Variants in SLCO1B1 observed in about 807,000 individuals in gnomAD.
SLCO1B1 encodes the protein solute carrier organic anion transporter family member 1B1.
In SLCO1B1, 81 loss-of-function variants were observed where a neutral mutation model predicts 70.1. That is an observed-to-expected ratio of 1.16 (90% CI 0.97 to 1.39). SLCO1B1 has a LOEUF of 1.39. Among genes scored for constraint, SLCO1B1 ranks in the 40% most tolerant of loss-of-function variants. The pLI is 0.00. For missense variants in SLCO1B1, 895 were observed against 799.6 expected, an observed-to-expected ratio of 1.12 and a Z score of -1.44; for synonymous variants, 283 against 271.5, an observed-to-expected ratio of 1.04 and a Z score of -0.42.
At chr12:21,197,293 C>T (rs1213983768) in intron 8 of SLCO1B1, 105 bp downstream of exon 8, 10 of 1,188,942 alleles carry the variant, frequency 8.4e-6, no homozygotes, top group Non-Finnish European at 1.2e-5. Context: ...CTGGAGTTGG[C>T]TTTCTTTTGC....
chr12:21,152,682 G>A (rs1190833588), intron 2 of SLCO1B1, among the ~76,000 whole-genome samples: 1 of 151,762 alleles, frequency 6.6e-6, no homozygotes, highest in Admixed American at 6.6e-5. Flanking sequence ...ATTGGCTGGA[G>A]CTGGGTATTT....
At chr12:21,170,696 G>A (rs1940746686) in intron 2 of SLCO1B1, among the ~76,000 whole-genome samples, 1 of 152,042 alleles carries the variant, frequency 6.6e-6, no homozygotes, top group Non-Finnish European at 1.5e-5. Flanking sequence ...ATTTTATGCT[G>A]TTTCTTAGAT....
chr12:21,180,893 A>G (rs979129727), intron 7 of SLCO1B1, among the ~76,000 whole-genome samples: 32 of 152,174 alleles, frequency 2.1e-4, no homozygotes, highest in African/African-American at 7.2e-4. Flanking sequence ...ATCACCATAC[A>G]ATTTCTAACA....
intron 9 of SLCO1B1, among the ~76,000 whole-genome samples, chr12:21,201,114 C>A (rs1941152860): frequency 6.6e-6 from 1 of 151,900 alleles, no homozygotes; most frequent in African/African-American, 2.4e-5. Context: ...TAATTCAAAA[C>A]AAATATATTT....
At chr12:21,179,095 C>G in intron 7 of SLCO1B1, 75 bp downstream of exon 7, 1 of 886,762 alleles carries the variant, frequency 1.1e-6, no homozygotes, top group Non-Finnish European at 1.9e-6. Context: ...TTTCAAATAA[C>G]TGAATTCACT....
intron 1 of SLCO1B1, among the ~76,000 whole-genome samples, chr12:21,139,865 T>A (rs1940282648): frequency 6.6e-6 from 1 of 152,122 alleles, no homozygotes; most frequent in Admixed American, 6.6e-5. Flanking sequence ...GTTTTGTGTT[T>A]CTGAGTTGAA....
At chr12:21,156,352 C>G (rs145748978) in intron 2 of SLCO1B1, among the ~76,000 whole-genome samples, 2 of 151,944 alleles carry the variant, frequency 1.3e-5, no homozygotes, top group African/African-American at 4.8e-5. Flanking sequence ...AGTAAAAGAA[C>G]CTTAAAATTT....
chr12:21,216,212 A>G (rs1318294767), intron 11 of SLCO1B1, among the ~76,000 whole-genome samples: 1 of 152,090 alleles, frequency 6.6e-6, no homozygotes, highest in Admixed American at 6.6e-5. Context: ...TGTTCTTTGT[A>G]CCAAAGCTTA....
chr12:21,174,822 C>T (rs572973030), intron 4 of SLCO1B1, 113 bp downstream of exon 4: 21 of 991,160 alleles, frequency 2.1e-5, no homozygotes, highest in Admixed American at 6.6e-5. Flanking sequence ...AGAAGATACC[C>T]ACTAAGTGTG....
intron 1 of SLCO1B1, among the ~76,000 whole-genome samples, chr12:21,131,546 C>A (rs563485606): frequency 3.9e-4 from 60 of 151,978 alleles, no homozygotes; most frequent in Middle Eastern, 3.4e-3. Context: ...CTCTAGTTAC[C>A]TTCTTAAAAT....
At chr12:21,157,341 G>A (rs1164633239) in intron 2 of SLCO1B1, among the ~76,000 whole-genome samples, 13 of 151,976 alleles carry the variant, frequency 8.6e-5, no homozygotes, top group Admixed American at 8.5e-4. Flanking sequence ...ATTAGGTATA[G>A]AAACCTACAT....
rs764164705 is a variant in SLCO1B1 at position 21,239,195 on chromosome 12, G to GA, written c.*13dup. 4 of 1,594,192 alleles carry GA rather than the reference G, an allele frequency of 2.5e-6. No homozygotes were observed. Among genetic ancestry groups the GA allele is most frequent in the Admixed American group, 1.7e-5 (1 of 59,950 alleles). On this transcript the variant is annotated 3_prime_UTR_variant, in exon 15 of 15. Transcript: ENST00000256958. ...ATAGTGAAACACATTGTTAAGGGGAGAAAAAAAGCCACTTCTGCTTCTGTG... is the reference window on the plus strand; with the variant it reads ...ATAGTGAAACACATTGTTAAGGGGAGAAAAAAAAGCCACTTCTGCTTCTGTG...
At chr12:21,158,062 T>G (rs1484117252) in intron 2 of SLCO1B1, among the ~76,000 whole-genome samples, 1 of 152,168 alleles carries the variant, frequency 6.6e-6, no homozygotes, top group East Asian at 1.9e-4. Flanking sequence ...GTCATCAAAT[T>G]GATGTGAAGA....
intron 2 of SLCO1B1, among the ~76,000 whole-genome samples, chr12:21,170,331 TG>T (rs1940741877): frequency 6.6e-6 from 1 of 152,206 alleles, no homozygotes; most frequent in African/African-American, 2.4e-5. Flanking sequence ...CACGATAGCC[TG>T]GAGGTACAGA....
At chr12:21,174,502 A>T in intron 3 of SLCO1B1, 75 bp from the exon 4 acceptor site, 1 of 1,442,472 alleles carries the variant, frequency 6.9e-7, no homozygotes, top group Non-Finnish European at 9.7e-7. Context: ...CTCTATTTGC[A>T]TCCATTCTGG....
intron 2 of SLCO1B1, among the ~76,000 whole-genome samples, chr12:21,170,987 A>G (rs953533103): frequency 4.6e-5 from 7 of 152,216 alleles, no homozygotes; most frequent in African/African-American, 1.7e-4. Flanking sequence ...CACTGTCCTA[A>G]TCACTGGGGA....
chr12:21,200,002 T>G lies in SLCO1B1; in HGVS notation c.971-506T>G, dbSNP rs1036563537. On this transcript the variant is annotated intron_variant, in intron 8 of 14. Transcript: ENST00000256958. ...TTTTAGTAGAGTTGGGGTTTCACCA[T>G]GTTGGCCAGGCTGGTCTCGAATTCC... Among the ~76,000 whole-genome samples the G allele has an allele frequency of 2.0e-5, 3 of 152,128 alleles. No individual in the cohort carries two copies. In the South Asian group the frequency reaches 6.2e-4, roughly 31 times the overall value.
intron 2 of SLCO1B1, among the ~76,000 whole-genome samples, chr12:21,171,405 T>A (rs1940754106): frequency 6.6e-6 from 1 of 152,114 alleles, no homozygotes; most frequent in South Asian, 2.1e-4. Context: ...AAAAAGAGGA[T>A]AGGTTGTTTA....
chr12:21,170,134 G>T (rs568851125), intron 2 of SLCO1B1, among the ~76,000 whole-genome samples: 1 of 152,240 alleles, frequency 6.6e-6, no homozygotes, highest in East Asian at 1.9e-4. Context: ...TGCAAAGACC[G>T]CATTTTTATT....
Sources: gnomAD v4.1 joint callset for allele counts (sites outside exome capture counted in the v4.1 genomes callset) on GRCh38, gnomAD v4.1.1 for gene constraint, MANE v1.5 for transcripts, NCBI Gene and HGNC (gene_info 2026-07-23, HGNC 2026-07-21) for gene names.